OPCML: variants seen among roughly 807,000 people sequenced by gnomAD.
The protein encoded by OPCML is opioid-binding protein/cell adhesion molecule.
Under a neutral mutation model 37.8 loss-of-function variants are expected in OPCML, and 13 were observed. The observed-to-expected ratio is 0.34, with a 90% CI of 0.22 to 0.55. The LOEUF is 0.55. OPCML is among the 20% of genes least tolerant of loss of function. The pLI is 0.91. For synonymous variants in OPCML, 176 were observed against 168.8 expected (o/e 1.04, Z -0.33); for missense variants, 341 against 435.6 (o/e 0.78, Z 1.93).
At chr11:132,814,130 C>T (rs1323272989) in intron 2 of OPCML, among the ~76,000 whole-genome samples, 1 of 152,156 alleles carries the variant, frequency 6.6e-6, no homozygotes, top group Admixed American at 6.5e-5. Context: ...TTTCTTTGCT[C>T]ATTCATTCAT....
intron 1 of OPCML, among the ~76,000 whole-genome samples, chr11:133,478,011 T>C (rs962128264): frequency 2.0e-5 from 3 of 152,202 alleles, no homozygotes; most frequent in African/African-American, 7.2e-5. Flanking sequence ...TATCAGATAA[T>C]TATGAGAAAG....
At chr11:132,625,514 C>T (rs765818289) in intron 3 of OPCML, among the ~76,000 whole-genome samples, 8 of 152,182 alleles carry the variant, frequency 5.3e-5, no homozygotes, top group Non-Finnish European at 1.0e-4. Context: ...CTGCCAGAAA[C>T]AGCTCTGTTC....
intron 1 of OPCML, among the ~76,000 whole-genome samples, chr11:133,351,094 A>T (rs1178978019): frequency 6.6e-6 from 1 of 152,232 alleles, no homozygotes; most frequent in Non-Finnish European, 1.5e-5. Flanking sequence ...AGATGGACTG[A>T]GTTACAAAGC....
chr11:133,070,266 CAGCA>C (rs1428504528), intron 1 of OPCML, among the ~76,000 whole-genome samples: 2 of 152,182 alleles, frequency 1.3e-5, no homozygotes, highest in African/African-American at 4.8e-5. Context: ...ATTAGCTCTG[CAGCA>C]AGCAAAGGCT....
intron 3 of OPCML, among the ~76,000 whole-genome samples, chr11:132,557,456 C>A (rs903515053): frequency 1.3e-5 from 2 of 152,188 alleles, no homozygotes; most frequent in African/African-American, 4.8e-5. Flanking sequence ...GCCCAACCCC[C>A]CTGCTCTGGA....
chr11:133,225,655 A>T (rs1031437509), intron 1 of OPCML, among the ~76,000 whole-genome samples: 1 of 152,206 alleles, frequency 6.6e-6, no homozygotes, highest in African/African-American at 2.4e-5. Flanking sequence ...AAAACAAAAC[A>T]AAAGAAAAAC....
At chr11:133,313,712 A>G (rs1943120530) in intron 1 of OPCML, among the ~76,000 whole-genome samples, 1 of 152,098 alleles carries the variant, frequency 6.6e-6, no homozygotes, top group South Asian at 2.1e-4. Context: ...AGACAAGGAA[A>G]TGGATCTTCT....
chr11:132,590,368 A>G (rs1028436697), intron 3 of OPCML, among the ~76,000 whole-genome samples: 4 of 152,154 alleles, frequency 2.6e-5, no homozygotes, highest in Non-Finnish European at 5.9e-5. Context: ...ACATCTACAC[A>G]GTAGTGTGTA....
intron 1 of OPCML, among the ~76,000 whole-genome samples, chr11:133,474,866 G>A (rs568413541): frequency 6.6e-6 from 1 of 152,224 alleles, no homozygotes; most frequent in African/African-American, 2.4e-5. Context: ...CACACAGCAA[G>A]CGCCTGCTTC....
intron 1 of OPCML, among the ~76,000 whole-genome samples, chr11:133,505,280 G>A (rs76730687): frequency 0.015 from 2,286 of 152,318 alleles, 63 homozygotes; most frequent in African/African-American, 0.051. Context: ...GAAGGGGGCC[G>A]GAGGCCTCCT....
intron 2 of OPCML, among the ~76,000 whole-genome samples, chr11:132,783,465 A>C (rs1947101805): frequency 6.6e-6 from 1 of 152,162 alleles, no homozygotes; most frequent in Non-Finnish European, 1.5e-5. Flanking sequence ...TCAAACAGTT[A>C]ATTCTTGGTT....
Position 133,422,062 on chromosome 11 carries a change from C to A in OPCML, c.61+110202G>T, listed in dbSNP as rs970599471. The A allele has an allele frequency of 1.3e-5, 11 of 848,710 alleles. No homozygotes were observed. In the African/African-American group the frequency reaches 1.9e-4, roughly 14 times the overall value. The allele number at this position is 848,710 out of a possible 1,614,324, so 52.6% of individuals were successfully genotyped here. A position where few individuals can be genotyped will look rare whatever the true frequency, so the allele number is the denominator to read the frequency against. The stretch of plus-strand genomic sequence containing the variant: ...GTATACGTGCCATGGTGGTTTGCTG[C>A]ACCCATCCACCCGTCATCTACATTA... On this transcript the variant is annotated intron_variant, in intron 1 of 7. Coordinates refer to ENST00000524381, the MANE Select transcript of OPCML (RefSeq NM_001012393.5).
At chr11:132,599,693 TA>T (rs1437281059) in intron 3 of OPCML, among the ~76,000 whole-genome samples, 1 of 152,194 alleles carries the variant, frequency 6.6e-6, no homozygotes. Context: ...TTGATTTGTA[TA>T]TTTTTTACAT....
chr11:132,501,530 T>C (rs1273901030), intron 4 of OPCML, among the ~76,000 whole-genome samples: 3 of 152,178 alleles, frequency 2.0e-5, no homozygotes, highest in Non-Finnish European at 2.9e-5. Flanking sequence ...TTTTGCTTTT[T>C]CCAGCCTATA....
At chr11:133,385,272 TCTC>T (rs1003990844) in intron 1 of OPCML, among the ~76,000 whole-genome samples, 1 of 152,032 alleles carries the variant, frequency 6.6e-6, no homozygotes, top group Admixed American at 6.5e-5. Context: ...GACTGCTGGG[TCTC>T]CTGAGAGACT....
chr11:132,743,932 C>T (rs566894543), intron 2 of OPCML, among the ~76,000 whole-genome samples: 2 of 152,290 alleles, frequency 1.3e-5, no homozygotes, highest in East Asian at 3.9e-4. Context: ...AGATTGTTCT[C>T]CCAGGCAGAA....
rs532765506 is a variant in OPCML, at chr11:133,207,625, C to T, written c.62-264615G>A. On this transcript the variant is annotated intron_variant, in intron 1 of 7. Coordinates refer to ENST00000524381, the MANE Select transcript of OPCML (RefSeq NM_001012393.5). ...GAACTAGATGACTTCTGAGATTCCT[C>T]AAATTCTGATTCTAATCATGTATTC... 8.5e-5 allele frequency among the ~76,000 whole-genome samples: 13 copies of T among 152,268 alleles called. No individual in the cohort carries two copies. In the East Asian group the frequency reaches 1.4e-3, roughly 16 times the overall value.
chr11:133,422,997 T>A (rs1024376843), intron 1 of OPCML: 4 of 985,378 alleles, frequency 4.1e-6, no homozygotes, highest in Non-Finnish European at 4.8e-6. Context: ...AGTGCCTTAC[T>A]TCCTTCTTCC....
intron 4 of OPCML, among the ~76,000 whole-genome samples, chr11:132,521,841 A>G (rs1166550424): frequency 6.6e-6 from 1 of 152,200 alleles, no homozygotes; most frequent in Non-Finnish European, 1.5e-5. Context: ...CTTGGATTTC[A>G]CTAGTTTTTG....
Sources: gnomAD v4.1 joint callset for allele counts (sites outside exome capture counted in the v4.1 genomes callset) on GRCh38, gnomAD v4.1.1 for gene constraint, MANE v1.5 for transcripts, NCBI Gene and HGNC (gene_info 2026-07-23, HGNC 2026-07-21) for gene names.